KYNU: variants seen among roughly 807,000 people sequenced by gnomAD.
KYNU encodes the protein L-kynurenine hydrolase.
In KYNU, 54 loss-of-function variants were observed where a neutral mutation model predicts 59.2. The observed-to-expected ratio is 0.91, with a 90% confidence interval of 0.73 to 1.14. The LOEUF (loss-of-function observed/expected upper bound fraction) is 1.14. Ranked by LOEUF, KYNU falls within the 50% of genes most tolerant of loss-of-function variation. The pLI is 0.00. For synonymous variants in KYNU, 177 were observed against 192.0 expected (o/e 0.92, Z 0.65); for missense variants, 567 against 554.4 (o/e 1.02, Z -0.23).
chr2:143,050,469 A>G lies in KYNU; in HGVS notation c.*8297A>G, dbSNP rs1349949861. On this transcript the variant is annotated 3_prime_UTR_variant, in exon 14 of 14. Coordinates refer to ENST00000264170, the MANE Select transcript of KYNU (RefSeq NM_003937.3). The stretch of plus-strand genomic sequence containing the variant: ...CTTCATCCACGTCCCTGCAAAGGAC[A>G]TGATCTCATTCCTCAATACTATGGC... The G allele has an allele frequency of 2.0e-5, 3 of 152,182 alleles. No homozygotes were observed. Among genetic ancestry groups the G allele is most frequent in the Admixed American group, 6.5e-5 (1 of 15,272 alleles). 9.4% of individuals were successfully genotyped at this position (152,182 alleles called of 1,614,324 possible).
At chr2:142,910,942 TC>T (rs1682460481) in intron 2 of KYNU, among the ~76,000 whole-genome samples, 2 of 152,188 alleles carry the variant, frequency 1.3e-5, no homozygotes, top group South Asian at 4.1e-4. Flanking sequence ...TATGTTTTGG[TC>T]CCAGTACCAT....
chr2:142,893,789 T>G (rs1558905283), intron 2 of KYNU, among the ~76,000 whole-genome samples: 1 of 152,152 alleles, frequency 6.6e-6, no homozygotes, highest in Non-Finnish European at 1.5e-5. Context: ...TCTAAGATAA[T>G]GCAAATTGCT....
At chr2:143,039,341 CAT>C (rs1248693552) in intron 12 of KYNU, among the ~76,000 whole-genome samples, 2 of 152,090 alleles carry the variant, frequency 1.3e-5, no homozygotes, top group South Asian at 2.1e-4. Context: ...CACATTTGCA[CAT>C]GTTTAGATCA....
chr2:142,934,538 G>A (rs1683323967), intron 4 of KYNU, among the ~76,000 whole-genome samples: 1 of 152,098 alleles, frequency 6.6e-6, no homozygotes, highest in African/African-American at 2.4e-5. Context: ...AAAAGTGGAG[G>A]GGTGGCTTGG....
chr2:143,021,631 G>T (rs1343828086), intron 10 of KYNU, among the ~76,000 whole-genome samples: 1 of 152,046 alleles, frequency 6.6e-6, no homozygotes, highest in Non-Finnish European at 1.5e-5. Flanking sequence ...GGAATGAGAT[G>T]CTACACGCTT....
At chr2:142,977,214 G>A (rs1684914206) in intron 8 of KYNU, among the ~76,000 whole-genome samples, 1 of 151,846 alleles carries the variant, frequency 6.6e-6, no homozygotes, top group Admixed American at 6.6e-5. Flanking sequence ...CATTCAGATG[G>A]GGCCTTAGAA....
At chr2:143,005,950 A>C (rs1166234661) in intron 10 of KYNU, among the ~76,000 whole-genome samples, 1 of 152,314 alleles carries the variant, frequency 6.6e-6, no homozygotes, top group African/African-American at 2.4e-5. Flanking sequence ...TCAGAACCCA[A>C]ATCACTGAAG....
intron 8 of KYNU, among the ~76,000 whole-genome samples, chr2:142,972,795 TA>T: frequency 8.8e-6 from 1 of 113,272 alleles, no homozygotes. Flanking sequence ...AGAGGCCATA[TA>T]TATATATATA....
Position 143,042,435 on chromosome 2 carries a change from A to T in KYNU, c.*263A>T, listed in dbSNP as rs1687081839. ...ATCTATACAGTCTCTATAAGCTGTC[A>T]CATTTCATGGTCATTGAAATGTTTT... On this transcript the variant is annotated 3_prime_UTR_variant, in exon 14 of 14. Coordinates refer to ENST00000264170, the MANE Select transcript of KYNU (RefSeq NM_003937.3). The T allele has an allele frequency of 3.9e-6, 1 of 256,260 alleles. No homozygotes were observed. The highest frequency in any genetic ancestry group is 2.2e-5 in the African/African-American group (1 of 44,564). 15.9% of individuals were successfully genotyped at this position (256,260 alleles called of 1,614,324 possible).
chr2:142,937,992 C>T (rs142884417), intron 4 of KYNU, among the ~76,000 whole-genome samples: 17 of 152,220 alleles, frequency 1.1e-4, no homozygotes, highest in Non-Finnish European at 1.6e-4. Context: ...CAAAACCCAC[C>T]GGAAAATAGC....
At chr2:142,947,252 G>A (rs1683820562) in intron 4 of KYNU, 1 of 1,546,286 alleles carries the variant, frequency 6.5e-7, no homozygotes, top group African/African-American at 1.4e-5. Context: ...GAGAGAGGAA[G>A]ATTTTCAAGT....
intron 2 of KYNU, among the ~76,000 whole-genome samples, chr2:142,908,773 C>T (rs1021299480): frequency 3.3e-5 from 5 of 151,896 alleles, no homozygotes; most frequent in Admixed American, 2.6e-4. Flanking sequence ...TAGCTGGGAA[C>T]ACATGCGCCC....
intron 10 of KYNU, among the ~76,000 whole-genome samples, chr2:143,017,434 C>CTTTTTTTTTTTTTTTTTTTTTT (rs1184177776): frequency 1.5e-5 from 1 of 68,448 alleles, no homozygotes; most frequent in Non-Finnish European, 2.6e-5. Context: ...TCTCTTTTTT[C>CTTTTTTTTTTTTTTTTTTTTTT]TTTTTTTTTT....
chr2:142,984,093 G>A (rs1245854824), intron 8 of KYNU, among the ~76,000 whole-genome samples: 1 of 151,956 alleles, frequency 6.6e-6, no homozygotes, highest in Non-Finnish European at 1.5e-5. Flanking sequence ...CTGAATCACT[G>A]AACTTTCTGT....
At chr2:142,992,256 T>A (rs2105173540) in intron 10 of KYNU, among the ~76,000 whole-genome samples, 1 of 151,850 alleles carries the variant, frequency 6.6e-6, no homozygotes, top group East Asian at 1.9e-4. Flanking sequence ...AACTGGAATA[T>A]CAGGCATTCA....
chr2:142,972,420 T>C (rs1684752485), intron 8 of KYNU, among the ~76,000 whole-genome samples: 1 of 152,166 alleles, frequency 6.6e-6, no homozygotes, highest in Non-Finnish European at 1.5e-5. Flanking sequence ...TCTCTGGATT[T>C]GACAATCTTG....
At chr2:142,977,367 G>C (rs1049935583) in intron 8 of KYNU, among the ~76,000 whole-genome samples, 1 of 79,954 alleles carries the variant, frequency 1.3e-5, no homozygotes, top group Non-Finnish European at 2.6e-5. Context: ...ATGGAATTTT[G>C]TGTGGATATA....
intron 10 of KYNU, among the ~76,000 whole-genome samples, chr2:143,025,312 C>T (rs78580250): frequency 0.039 from 5,946 of 152,006 alleles, 269 homozygotes; most frequent in African/African-American, 0.11. Context: ...TGTGTTGGTG[C>T]TATACCCAGT....
chr2:142,949,114 C>G (rs998983800), intron 4 of KYNU, among the ~76,000 whole-genome samples: 1 of 152,222 alleles, frequency 6.6e-6, no homozygotes, highest in Non-Finnish European at 1.5e-5. Context: ...GCATCTGGGT[C>G]ATGCTATGCA....
Sources: gnomAD v4.1 joint callset for allele counts (sites outside exome capture counted in the v4.1 genomes callset) on GRCh38, gnomAD v4.1.1 for gene constraint, MANE v1.5 for transcripts, NCBI Gene and HGNC (gene_info 2026-07-23, HGNC 2026-07-21) for gene names.